TIAM1: variants seen among roughly 807,000 people sequenced by gnomAD.
The protein encoded by TIAM1 is TIAM Rac1 associated GEF 1, also known as rho guanine nucleotide exchange factor TIAM1.
In TIAM1, 65 loss-of-function variants were observed where a neutral mutation model predicts 163.5. That is an observed-to-expected ratio of 0.40 (90% CI 0.33 to 0.49). The LOEUF (loss-of-function observed/expected upper bound fraction) is 0.49. Ranked by LOEUF, TIAM1 falls within the 20% of genes least tolerant of loss-of-function variation. TIAM1 has a pLI of 0.77. For synonymous variants in TIAM1, 833 were observed against 810.1 expected, an observed-to-expected ratio of 1.03 and a Z score of -0.48; for missense variants, 1,789 against 2,044.7, an observed-to-expected ratio of 0.87 and a Z score of 2.41.
intron 2 of TIAM1, among the ~76,000 whole-genome samples, chr21:31,358,931 T>C (rs1412167866): frequency 6.6e-6 from 1 of 152,218 alleles, no homozygotes; most frequent in Non-Finnish European, 1.5e-5. Flanking sequence ...ATTACTTCTC[T>C]GTCCTCATCT....
chr21:31,213,867 A>C (rs978957878), intron 9 of TIAM1, among the ~76,000 whole-genome samples: 105 of 96,670 alleles, frequency 1.1e-3, no homozygotes, highest in African/African-American at 5.5e-3. Flanking sequence ...TCATCTCTAC[A>C]AAAAAAAAAA....
chr21:31,431,125 C>A (rs1211183146), intron 2 of TIAM1, among the ~76,000 whole-genome samples: 1 of 152,126 alleles, frequency 6.6e-6, no homozygotes, highest in Non-Finnish European at 1.5e-5. Context: ...CTTTCCTTCT[C>A]CCCCTTATCC....
chr21:31,415,551 A>G lies in TIAM1; in HGVS notation c.-369+48432T>C, dbSNP rs142593243. Among the ~76,000 whole-genome samples, 763 of 152,210 alleles carry G rather than the reference A, an allele frequency of 5.0e-3. 8 individuals carry two copies. The highest frequency in any genetic ancestry group is 0.017 in the African/African-American group (726 of 41,540). The stretch of plus-strand genomic sequence containing the variant: ...GCTAGGACCCAATGTCCTCATTCCA[A>G]CTAAAATACAACACACTACCTTCAC... On this transcript the variant is annotated intron_variant, in intron 2 of 28. Coordinates refer to the TIAM1 transcript ENST00000286827.
chr21:31,233,661 C>T (rs535037459), intron 6 of TIAM1, among the ~76,000 whole-genome samples: 6 of 152,298 alleles, frequency 3.9e-5, no homozygotes, highest in African/African-American at 9.6e-5. Flanking sequence ...GCCAAGATGG[C>T]GCCACTGCAC....
At chr21:31,479,145 T>C (rs2046027610) in intron 1 of TIAM1, among the ~76,000 whole-genome samples, 1 of 152,222 alleles carries the variant, frequency 6.6e-6, no homozygotes, top group African/African-American at 2.4e-5. Context: ...AGATTCCACA[T>C]TGCTTCAACT....
rs116131088 is a variant in TIAM1, at chr21:31,316,645, G to A, written c.-189+22598C>T. Among the ~76,000 whole-genome samples, 944 of 152,288 alleles carry A rather than the reference G, an allele frequency of 6.2e-3. 9 individuals are homozygous for A. Among genetic ancestry groups the A allele is most frequent in the African/African-American group, 0.022 (912 of 41,548 alleles). On this transcript the variant is annotated intron_variant, in intron 2 of 27. Transcript: ENST00000541036. ...TGTGATGGGCATGCCTATGCCTCTT[G>A]TTTCCTTCCACATCAAGGATTCGCA... is the stretch of plus-strand genomic sequence containing the variant.
intron 6 of TIAM1, among the ~76,000 whole-genome samples, chr21:31,232,627 G>A (rs1488408369): frequency 1.3e-5 from 2 of 152,114 alleles, no homozygotes; most frequent in Non-Finnish European, 1.5e-5. Flanking sequence ...GTTCCTCAAG[G>A]TCTCTCCAGG....
intron 12 of TIAM1, among the ~76,000 whole-genome samples, chr21:31,198,288 A>G (rs1162976250): frequency 6.6e-6 from 1 of 152,204 alleles, no homozygotes; most frequent in Non-Finnish European, 1.5e-5. Flanking sequence ...CTTGTGACTC[A>G]GGAGCCTGAG....
At chr21:31,469,397 A>C (rs997405149) in intron 1 of TIAM1, among the ~76,000 whole-genome samples, 1 of 151,890 alleles carries the variant, frequency 6.6e-6, no homozygotes, top group Non-Finnish European at 1.5e-5. Flanking sequence ...CACTGCACCC[A>C]GCCTGTCTGC....
At chr21:31,550,377 G>A (rs181800143) in intron 1 of TIAM1, among the ~76,000 whole-genome samples, 172 of 151,932 alleles carry the variant, frequency 1.1e-3, no homozygotes, top group East Asian at 1.4e-3. Context: ...GAAAGAAGCC[G>A]GTCACAAAAG....
intron 23 of TIAM1, among the ~76,000 whole-genome samples, chr21:31,134,815 T>C (rs2082557028): frequency 6.6e-6 from 1 of 152,170 alleles, no homozygotes; most frequent in African/African-American, 2.4e-5. Context: ...CTGGCCTCCT[T>C]TGTTATTTTT....
In TIAM1 at chr21:31,210,739, GAAGGAAGGGAGAAA is replaced by G. The variant is rs2086806069; in HGVS notation, c.2218-538_2218-525del. 2.5e-4 allele frequency among the ~76,000 whole-genome samples: 19 copies of G among 75,952 alleles called. 1 individual carries two copies. Among genetic ancestry groups the G allele is most frequent in the African/African-American group, 1.1e-3 (15 of 13,296 alleles). The allele number at this position is 75,952 out of a possible 152,430, so 49.8% of individuals were successfully genotyped here. A position where few individuals can be genotyped will look rare whatever the true frequency, so the allele number is the denominator to read the frequency against. On this transcript the variant is annotated intron_variant, in intron 10 of 27. Transcript: ENST00000541036. Reference sequence around the variant, plus strand: ...AGAGAAAGAAAGAAAGAGAAAGAAGGAAGGAAGGGAGAAAGAAAGAAAGAAAGAAAGAAAGAAAG... The same window carrying G: ...AGAGAAAGAAAGAAAGAGAAAGAAGGGAAAGAAAGAAAGAAAGAAAGAAAG...
rs1250456241 is a variant in TIAM1, at chr21:31,245,501, G to C, written c.1571C>G (p.Ala524Gly). The C allele has an allele frequency of 1.3e-6, 2 of 1,513,130 alleles. No individual in the cohort carries two copies. The highest frequency in any genetic ancestry group is 8.9e-7 in the Non-Finnish European group (1 of 1,123,978). The allele number at this position is 1,513,130 out of a possible 1,614,324, so 93.7% of individuals were successfully genotyped here. Residue 524 changes from alanine (A) to glycine (G), a missense_variant, in exon 6 of 28, where the codon GCC becomes GGC. Ala to Gly is a moderately conservative substitution (Grantham distance 60). This residue lies in a region of TIAM1 where 456 missense variants were observed against 586.6 expected (regional missense o/e 0.78). Coordinates refer to ENST00000541036, the MANE Select transcript of TIAM1 (RefSeq NM_001353694.2). ...TGCCCAACAAACCTGAAAAAGGAAGGCATCACCCAGGGAATTGCTGAGGCA... is the reference window on the plus strand; with the variant it reads ...TGCCCAACAAACCTGAAAAAGGAAGCCATCACCCAGGGAATTGCTGAGGCA... ...VFCLSNSLGD[A>G]FLFQTTSQTE...
intron 1 of TIAM1, among the ~76,000 whole-genome samples, chr21:31,519,644 A>C (rs1416209877): frequency 1.3e-5 from 2 of 152,210 alleles, no homozygotes; most frequent in Non-Finnish European, 2.9e-5. Context: ...AAAAGATAGA[A>C]GTAACCCAAG....
intron 2 of TIAM1, among the ~76,000 whole-genome samples, chr21:31,362,445 AATT>A (rs10634487): frequency 0.18 from 25,483 of 142,604 alleles, 2,370 homozygotes; most frequent in Middle Eastern, 0.28. Flanking sequence ...ATGCAGTGAC[AATT>A]ATTATTATTA....
intron 1 of TIAM1, among the ~76,000 whole-genome samples, chr21:31,482,060 A>AGTGTGTGTGTGTGTGTGTGT (rs10523425): frequency 4.8e-4 from 70 of 145,708 alleles, no homozygotes; most frequent in African/African-American, 1.7e-3. Flanking sequence ...ACTGGGACAA[A>AGTGTGTGTGTGTGTGTGTGT]GTGTGTGTGT....
At chr21:31,387,948 C>G (rs2076903892) in intron 2 of TIAM1, among the ~76,000 whole-genome samples, 1 of 152,076 alleles carries the variant, frequency 6.6e-6, no homozygotes, top group African/African-American at 2.4e-5. Context: ...TTCTGTGACA[C>G]AATGGTGAGT....
At chr21:31,237,129 G>A (rs2070936298) in intron 6 of TIAM1, among the ~76,000 whole-genome samples, 1 of 152,200 alleles carries the variant, frequency 6.6e-6, no homozygotes. Context: ...CTCCAGGAAT[G>A]GGAGAGGCTG....
chr21:31,280,254 G>A (rs546737668), intron 2 of TIAM1, among the ~76,000 whole-genome samples: 5 of 152,206 alleles, frequency 3.3e-5, no homozygotes, highest in Non-Finnish European at 7.3e-5. Flanking sequence ...CCAGTGAAAC[G>A]TAGTTGAATC....
Sources: gnomAD v4.1 joint callset for allele counts (sites outside exome capture counted in the v4.1 genomes callset) on GRCh38, gnomAD v4.1.1 for gene constraint, gnomAD v4.1.1 regional missense constraint, MANE v1.5 for transcripts, NCBI Gene and HGNC (gene_info 2026-07-23, HGNC 2026-07-21) for gene names.